The following GALNT10 variants were observed in gnomAD, a reference collection of about 807,000 sequenced individuals.
The protein encoded by GALNT10 is polypeptide N-acetylgalactosaminyltransferase 10.
Under a neutral mutation model 75.0 loss-of-function variants are expected in GALNT10, and 41 were observed. The observed-to-expected ratio is 0.55, with a 90% confidence interval of 0.43 to 0.71. The LOEUF is 0.71. Among genes scored for constraint, GALNT10 ranks in the 30% least tolerant of loss-of-function variants. The pLI is 0.00. For missense variants in GALNT10, 727 were observed against 818.5 expected (o/e 0.89, Z 1.36); for synonymous variants, 302 against 313.0 (o/e 0.96, Z 0.37).
At chr5:154,245,345 G>C (rs958514272) in intron 1 of GALNT10, among the ~76,000 whole-genome samples, 1 of 152,186 alleles carries the variant, frequency 6.6e-6, no homozygotes, top group Non-Finnish European at 1.5e-5. Flanking sequence ...GTTGTGCATT[G>C]AGCACTTAGC....
chr5:154,294,858 G>A lies in GALNT10; in HGVS notation c.202G>A (p.Gly68Arg), dbSNP rs1754249311. Residue 68 changes from glycine (G) to arginine (R), a missense_variant, in exon 2 of 12, where the codon GGG becomes AGG. Gly to Arg is a moderately radical substitution (Grantham distance 125, BLOSUM62 -2). Transcript: ENST00000297107. ...RQKKTFFLGD[G>R]QKLKDWHDKE... Reference sequence around the variant, plus strand: ...AAAGAAAACGTTTTTCTTGGGAGATGGGCAGAAGCTGAAGGACTGGCATGA... The same window carrying A: ...AAAGAAAACGTTTTTCTTGGGAGATAGGCAGAAGCTGAAGGACTGGCATGA... 6.2e-7 allele frequency: 1 copy of A among 1,607,274 alleles called. No homozygotes were observed.
At chr5:154,215,881 C>G (rs1368630627) in intron 1 of GALNT10, among the ~76,000 whole-genome samples, 1 of 152,170 alleles carries the variant, frequency 6.6e-6, no homozygotes, top group Non-Finnish European at 1.5e-5. Context: ...GCAGGGCCCT[C>G]TTAGCTCTGA....
chr5:154,227,719 T>C (rs1753084968), intron 1 of GALNT10, among the ~76,000 whole-genome samples: 1 of 152,214 alleles, frequency 6.6e-6, no homozygotes, highest in Non-Finnish European at 1.5e-5. Context: ...GTATCTAAGA[T>C]GTCTTTGCCT....
intron 1 of GALNT10, 103 bp downstream of exon 1, chr5:154,191,128 A>G: frequency 1.3e-6 from 1 of 782,738 alleles, no homozygotes; most frequent in African/African-American, 1.8e-5. Flanking sequence ...CCTCAGAGTC[A>G]GCTCCGAGAC....
chr5:154,405,145 C>G (rs1201259865), intron 8 of GALNT10, among the ~76,000 whole-genome samples: 2 of 152,172 alleles, frequency 1.3e-5, no homozygotes, highest in African/African-American at 4.8e-5. Flanking sequence ...CGGTGCTGGC[C>G]GGGTTGGCAT....
At chr5:154,224,732 T>C (rs2113658017) in intron 1 of GALNT10, among the ~76,000 whole-genome samples, 1 of 151,754 alleles carries the variant, frequency 6.6e-6, no homozygotes, top group Middle Eastern at 3.4e-3. Context: ...ATACTGAAGA[T>C]ACAGTGGACA....
intron 4 of GALNT10, among the ~76,000 whole-genome samples, chr5:154,355,729 C>T (rs909764917): frequency 6.6e-6 from 1 of 150,768 alleles, no homozygotes; most frequent in Non-Finnish European, 1.5e-5. Flanking sequence ...AGATATCTGA[C>T]ATGCTGGGGC....
intron 1 of GALNT10, among the ~76,000 whole-genome samples, chr5:154,224,272 A>G (rs1753027744): frequency 6.6e-6 from 1 of 152,242 alleles, no homozygotes; most frequent in Non-Finnish European, 1.5e-5. Context: ...GCCCCCAGCT[A>G]GGTCATTAGC....
chr5:154,368,497 C>T (rs949491219), intron 4 of GALNT10, among the ~76,000 whole-genome samples: 2 of 152,108 alleles, frequency 1.3e-5, no homozygotes, highest in Middle Eastern at 6.3e-3. Context: ...AAGAAATGGC[C>T]GGCTTTCCAA....
At chr5:154,205,109 C>T (rs770562205) in intron 1 of GALNT10, among the ~76,000 whole-genome samples, 3 of 152,216 alleles carry the variant, frequency 2.0e-5, no homozygotes, top group Non-Finnish European at 4.4e-5. Context: ...AAATTGCACA[C>T]TTTCACCCTA....
chr5:154,247,290 C>T (rs1014433314), intron 1 of GALNT10, among the ~76,000 whole-genome samples: 51 of 152,160 alleles, frequency 3.4e-4, no homozygotes, highest in African/African-American at 9.9e-4. Context: ...CTTGGCAATG[C>T]GGGCTCTTTT....
chr5:154,293,845 G>C (rs1383023439), intron 1 of GALNT10, among the ~76,000 whole-genome samples: 1 of 151,748 alleles, frequency 6.6e-6, no homozygotes, highest in Admixed American at 6.6e-5. Flanking sequence ...CTCTCCTGTC[G>C]ACCTGTCTGA....
At chr5:154,203,123 G>A (rs985731629) in intron 1 of GALNT10, among the ~76,000 whole-genome samples, 14 of 152,264 alleles carry the variant, frequency 9.2e-5, no homozygotes, top group Admixed American at 6.5e-4. Context: ...GGGAAGCCCC[G>A]GTGTGAGTTT....
chr5:154,281,036 C>T (rs1422864821), intron 1 of GALNT10, among the ~76,000 whole-genome samples: 1 of 152,154 alleles, frequency 6.6e-6, no homozygotes, highest in Non-Finnish European at 1.5e-5. Flanking sequence ...GAAATTAGGA[C>T]ATGTAAGTCC....
intron 1 of GALNT10, among the ~76,000 whole-genome samples, chr5:154,193,342 C>G (rs953998654): frequency 1.4e-4 from 21 of 152,336 alleles, no homozygotes; most frequent in Admixed American, 6.5e-4. Context: ...TTGTTTCACT[C>G]TCCCACAGAT....
chr5:154,308,044 G>A (rs1267574471), intron 3 of GALNT10, among the ~76,000 whole-genome samples: 2 of 116,290 alleles, frequency 1.7e-5, no homozygotes, highest in Non-Finnish European at 3.9e-5. Context: ...TTTCTATCTG[G>A]TATCTTTTTT....
In GALNT10 at chr5:154,410,972, G is replaced by A. The variant is rs189428923; in HGVS notation, c.1386+1210G>A. ...GGGACCTGTGAACTGCGCATGGTGT[G>A]GCCCGTGAGGCCCATGCTGGCCGAG... On this transcript the variant is annotated intron_variant, in intron 9 of 11. Coordinates refer to ENST00000297107, the MANE Select transcript of GALNT10 (RefSeq NM_198321.4). Among the ~76,000 whole-genome samples the A allele has an allele frequency of 3.1e-3, 474 of 152,312 alleles. 2 individuals carry two copies. The highest frequency in any genetic ancestry group is 0.011 in the African/African-American group (463 of 41,574).
rs900825781 is a variant in GALNT10 at position 154,255,600 on chromosome 5, G to T, written c.160-39216G>T. On this transcript the variant is annotated intron_variant, in intron 1 of 11. Transcript: ENST00000297107. The stretch of plus-strand genomic sequence containing the variant: ...AGTAGGGTCACTGAGACCCAGAGGG[G>T]CATATTGATTTGTACAAGGTCACAG... Among the ~76,000 whole-genome samples, 26 of 152,080 alleles carry T rather than the reference G, an allele frequency of 1.7e-4. 2 individuals are homozygous for T. The highest frequency in any genetic ancestry group is 7.4e-5 in the Non-Finnish European group (5 of 68,026).
chr5:154,205,280 C>A (rs1027407164), intron 1 of GALNT10, among the ~76,000 whole-genome samples: 1 of 152,222 alleles, frequency 6.6e-6, no homozygotes, highest in Non-Finnish European at 1.5e-5. Flanking sequence ...GTCCACGTGG[C>A]TTCATTGGTG....
Sources: allele counts gnomAD v4.1 joint callset (sites outside exome capture counted in the v4.1 genomes callset), GRCh38; gene constraint gnomAD v4.1.1; transcripts MANE v1.5; gene names NCBI Gene and HGNC (gene_info 2026-07-23, HGNC 2026-07-21).